The following LPP variants were observed in gnomAD, a reference collection of about 807,000 sequenced individuals.
LPP encodes LIM domain containing preferred translocation partner in lipoma, also known as lipoma-preferred partner.
In LPP, 38 loss-of-function variants were observed where a neutral mutation model predicts 60.4. That is an observed-to-expected ratio of 0.63 (90% CI 0.49 to 0.83). The LOEUF (loss-of-function observed/expected upper bound fraction) is 0.83, where lower values mean the gene tolerates loss of function less well. Among genes scored for constraint, LPP ranks in the 40% least tolerant of loss-of-function variants. The pLI is 0.00. For synonymous variants in LPP, 328 were observed against 290.8 expected (o/e 1.13, Z -1.30); for missense variants, 902 against 783.6 (o/e 1.15, Z -1.80).
intron 9 of LPP, among the ~76,000 whole-genome samples, chr3:188,797,960 C>T (rs957559736): frequency 1.3e-5 from 2 of 152,164 alleles, no homozygotes; most frequent in African/African-American, 4.8e-5. Flanking sequence ...AGTTTCTTTA[C>T]AACTCTGAAC....
intron 4 of LPP, among the ~76,000 whole-genome samples, chr3:188,470,125 C>A (rs1801439888): frequency 6.6e-6 from 1 of 152,126 alleles, no homozygotes; most frequent in South Asian, 2.1e-4. Context: ...TCCAAGTGGA[C>A]AAAAACTTAC....
intron 2 of LPP, among the ~76,000 whole-genome samples, chr3:188,303,880 A>G (rs963451661): frequency 6.6e-6 from 1 of 152,212 alleles, no homozygotes; most frequent in Non-Finnish European, 1.5e-5. Context: ...TACTGGAACC[A>G]TTTCTAATGG....
At chr3:188,388,592 C>T (rs1191124423) in intron 3 of LPP, among the ~76,000 whole-genome samples, 2 of 152,166 alleles carry the variant, frequency 1.3e-5, no homozygotes, top group Non-Finnish European at 2.9e-5. Flanking sequence ...CACCTTGCTA[C>T]ATTCCGAAAA....
intron 1 of LPP, among the ~76,000 whole-genome samples, chr3:188,219,222 G>A (rs1447257983): frequency 6.6e-6 from 1 of 152,108 alleles, no homozygotes. Flanking sequence ...CTGCACCCTT[G>A]ATAAAAGGAA....
At chr3:188,713,101 G>A (rs564503922) in intron 8 of LPP, among the ~76,000 whole-genome samples, 8 of 152,158 alleles carry the variant, frequency 5.3e-5, no homozygotes, top group Admixed American at 3.3e-4. Flanking sequence ...CCTGGAAGCC[G>A]TCTTAAACCA....
chr3:188,346,996 T>G (rs1764577945), intron 3 of LPP, among the ~76,000 whole-genome samples: 1 of 152,214 alleles, frequency 6.6e-6, no homozygotes, highest in Admixed American at 6.5e-5. Flanking sequence ...AAATTCAATT[T>G]TAATTCAGAA....
At chr3:188,257,240 T>G (rs1241306945) in intron 2 of LPP, among the ~76,000 whole-genome samples, 11 of 152,206 alleles carry the variant, frequency 7.2e-5, no homozygotes, top group Admixed American at 7.2e-4. Flanking sequence ...GCTCATTAAT[T>G]AGCTTTCTGC....
chr3:188,439,742 AGGAT>A (rs1309256529), intron 4 of LPP, among the ~76,000 whole-genome samples: 4 of 152,216 alleles, frequency 2.6e-5, no homozygotes, highest in Non-Finnish European at 5.9e-5. Flanking sequence ...ATAGGCACTG[AGGAT>A]GCAGTACAGA....
chr3:188,419,215 C>T (rs945208579), intron 4 of LPP, among the ~76,000 whole-genome samples: 2 of 152,178 alleles, frequency 1.3e-5, no homozygotes, highest in African/African-American at 4.8e-5. Flanking sequence ...CTATTCACTT[C>T]CATCTTGTGC....
chr3:188,505,161 T>G lies in LPP; in HGVS notation c.307-19504T>G, dbSNP rs1813089872. 2.0e-5 allele frequency among the ~76,000 whole-genome samples: 3 copies of G among 152,178 alleles called. No homozygotes were observed. The South Asian group carries it at 6.2e-4, about 32-fold the overall frequency. On this transcript the variant is annotated intron_variant, in intron 5 of 11. Transcript: ENST00000617246. ...TTTAATAGACTCTGGACTTCCAAAA[T>G]AAGTTGTTGATATAGATGGTGGCAG...
At chr3:188,542,739 T>A (rs1412666099) in intron 6 of LPP, among the ~76,000 whole-genome samples, 4 of 132,618 alleles carry the variant, frequency 3.0e-5, no homozygotes, top group Non-Finnish European at 3.3e-5. Context: ...TTTTGACGTT[T>A]GACTTGGAAA....
Position 188,496,128 on chromosome 3 carries a change from G to A in LPP, c.306+11424G>A, listed in dbSNP as rs375728594. Among the ~76,000 whole-genome samples the A allele has an allele frequency of 4.6e-5, 7 of 150,738 alleles. No homozygotes were observed. In the East Asian group the frequency reaches 5.8e-4, roughly 13 times the overall value. ...CTAGCCTGCAAATTTCAAAATTGAC[G>A]TCTTTTTTTTTTGAGACAGGGTCTT... On this transcript the variant is annotated intron_variant, in intron 5 of 11. Coordinates refer to ENST00000617246, the MANE Select transcript of LPP (RefSeq NM_001375462.1).
intron 4 of LPP, among the ~76,000 whole-genome samples, chr3:188,482,722 A>G (rs1352991786): frequency 1.3e-5 from 2 of 152,228 alleles, no homozygotes. Context: ...TGGGATTTAT[A>G]ATTGTCATAA....
chr3:188,348,122 A>G lies in LPP; in HGVS notation c.-10+6403A>G, dbSNP rs542124169. On this transcript the variant is annotated intron_variant, in intron 3 of 11. Coordinates refer to ENST00000617246, the MANE Select transcript of LPP (RefSeq NM_001375462.1). ...GGGTCTCAGGTTTGTTGTCTGTAAT[A>G]GAAACCATACCCTTTTTCTTTTCTT... Among the ~76,000 whole-genome samples the G allele has an allele frequency of 2.6e-5, 4 of 152,122 alleles. No individual in the cohort carries two copies. The East Asian group carries it at 7.7e-4, about 29-fold the overall frequency.
chr3:188,213,961 A>AAC (rs59389556), intron 1 of LPP, among the ~76,000 whole-genome samples: 5,732 of 130,334 alleles, frequency 0.044, 331 homozygotes, highest in African/African-American at 0.14. Context: ...TTAGATTTTA[A>AAC]ACACACACAC....
intron 6 of LPP, among the ~76,000 whole-genome samples, chr3:188,559,230 G>A (rs1830137539): frequency 6.6e-6 from 1 of 152,056 alleles, no homozygotes; most frequent in Admixed American, 6.6e-5. Flanking sequence ...ACCTTCAGCT[G>A]TTAACTGGCT....
At chr3:188,410,202 G>C (rs927072748) in intron 4 of LPP, among the ~76,000 whole-genome samples, 2 of 152,166 alleles carry the variant, frequency 1.3e-5, no homozygotes, top group Non-Finnish European at 2.9e-5. Context: ...AATTGATAAA[G>C]CACAGTAATA....
At chr3:188,766,718 T>TA (rs1734276761) in intron 9 of LPP, among the ~76,000 whole-genome samples, 1 of 152,212 alleles carries the variant, frequency 6.6e-6, no homozygotes, top group Admixed American at 6.5e-5. Flanking sequence ...AATTCTTTTT[T>TA]AAAATCCTAA....
chr3:188,669,050 G>C (rs1190097768), intron 7 of LPP, among the ~76,000 whole-genome samples: 1 of 152,082 alleles, frequency 6.6e-6, no homozygotes, highest in Non-Finnish European at 1.5e-5. Flanking sequence ...TCTTAAACTT[G>C]TGTATAGAGT....
Sources: gnomAD v4.1 joint callset for allele counts (sites outside exome capture counted in the v4.1 genomes callset) on GRCh38, gnomAD v4.1.1 for gene constraint, MANE v1.5 for transcripts, NCBI Gene and HGNC (gene_info 2026-07-23, HGNC 2026-07-21) for gene names.